TNFRSF19: variants seen among roughly 807,000 people sequenced by gnomAD.
TNFRSF19 encodes tumor necrosis factor receptor superfamily member 19.
Under a neutral mutation model 46.4 loss-of-function variants are expected in TNFRSF19, and 27 were observed. The ratio of observed to expected loss-of-function variants is 0.58; its 90% CI spans 0.43 to 0.80. TNFRSF19 has a LOEUF of 0.80. TNFRSF19 is among the 30% of genes least tolerant of loss of function. The pLI, the probability that TNFRSF19 is intolerant of heterozygous loss-of-function variation, is 0.00. For synonymous variants in TNFRSF19, 204 were observed against 205.0 expected, an observed-to-expected ratio of 1.00 and a Z score of 0.04; for missense variants, 511 against 530.8, an observed-to-expected ratio of 0.96 and a Z score of 0.37.
rs144866041 is a variant in TNFRSF19, at chr13:23,589,784, A to G, written c.-34-366A>G. On this transcript the variant is annotated intron_variant, in intron 1 of 9. Coordinates refer to ENST00000248484, the MANE Select transcript of TNFRSF19 (RefSeq NM_148957.4). ...ATTATTACCCTGTTGGCATTGTCCA[A>G]ACCCAGATAAATGGGAGGTTTATAT... is the stretch of plus-strand genomic sequence containing the variant. Among the ~76,000 whole-genome samples the G allele has an allele frequency of 7.2e-5, 11 of 152,322 alleles. No individual in the cohort carries two copies. The East Asian group carries it at 2.1e-3, about 29-fold the overall frequency.
At chr13:23,601,746 T>G (rs547829959) in intron 3 of TNFRSF19, among the ~76,000 whole-genome samples, 8 of 152,308 alleles carry the variant, frequency 5.3e-5, no homozygotes, top group African/African-American at 1.9e-4. Flanking sequence ...AGAATTATTT[T>G]GTTGTTATAA....
chr13:23,670,249 C>G (rs1351220336), intron 9 of TNFRSF19, among the ~76,000 whole-genome samples: 1 of 152,178 alleles, frequency 6.6e-6, no homozygotes, highest in Admixed American at 6.5e-5. Flanking sequence ...GGCCAGAGCT[C>G]AGTGGAGCAA....
At position 23,675,100 on chromosome 13, in the gene TNFRSF19, A is replaced by C. The variant is rs747280332; in HGVS notation, c.*1720A>C. The C allele has an allele frequency of 1.4e-4, 21 of 152,270 alleles. No homozygotes were observed. The highest frequency in any genetic ancestry group is 2.8e-4 in the Non-Finnish European group (19 of 68,024). 9.4% of individuals were successfully genotyped at this position (152,270 alleles called of 1,614,324 possible). ...TTCTTTTTTTAAGTATAAACCAATG[A>C]TCCTTTGGTAGTCAAGAACTCTTAG... On this transcript the variant is annotated 3_prime_UTR_variant, in exon 10 of 10. Transcript: ENST00000248484.
At chr13:23,624,540 T>A (rs1210804326) in intron 4 of TNFRSF19, among the ~76,000 whole-genome samples, 1 of 152,170 alleles carries the variant, frequency 6.6e-6, no homozygotes, top group Non-Finnish European at 1.5e-5. Context: ...TATACAGATT[T>A]GCTACTACAT....
chr13:23,583,505 G>A (rs1040086647), intron 1 of TNFRSF19, among the ~76,000 whole-genome samples: 33 of 152,120 alleles, frequency 2.2e-4, no homozygotes, highest in African/African-American at 8.0e-4. Flanking sequence ...CACATAATAT[G>A]TACCTTTATT....
intron 4 of TNFRSF19, among the ~76,000 whole-genome samples, chr13:23,625,326 C>CTTTTTT (rs67965421): frequency 5.6e-5 from 6 of 107,328 alleles, no homozygotes; most frequent in African/African-American, 7.2e-5. Flanking sequence ...TGATTGTATT[C>CTTTTTT]TTTTTTTTTT....
intron 3 of TNFRSF19, chr13:23,594,473 A>T (rs1397219472): frequency 4.9e-6 from 1 of 203,900 alleles, no homozygotes; most frequent in Non-Finnish European, 1.0e-5. Flanking sequence ...CTCACAGTGT[A>T]AACAAAGCCA....
intron 5 of TNFRSF19, among the ~76,000 whole-genome samples, chr13:23,657,650 A>C (rs1884066748): frequency 2.6e-5 from 4 of 152,208 alleles, no homozygotes; most frequent in African/African-American, 9.7e-5. Context: ...ATATTGGCTA[A>C]GTAAAATAGA....
Position 23,675,673 on chromosome 13 carries a change from A to G in TNFRSF19, c.*2293A>G, listed in dbSNP as rs571504407. 6.6e-6 allele frequency: 1 copy of G among 152,262 alleles called. No individual in the cohort carries two copies. Among genetic ancestry groups the G allele is most frequent in the African/African-American group, 2.4e-5 (1 of 41,542 alleles). 9.4% of individuals were successfully genotyped at this position (152,262 alleles called of 1,614,324 possible). A position where few individuals can be genotyped will look rare whatever the true frequency, so the allele number is the denominator to read the frequency against. On this transcript the variant is annotated 3_prime_UTR_variant, in exon 10 of 10. Coordinates refer to ENST00000248484, the MANE Select transcript of TNFRSF19 (RefSeq NM_148957.4). ...TGGAATATCCCATAGCACTCAATAA[A>G]CTCAGCTGCTAGAGTGCCGATGTCA...
intron 9 of TNFRSF19, among the ~76,000 whole-genome samples, chr13:23,671,413 G>A (rs963177860): frequency 6.6e-5 from 10 of 151,832 alleles, no homozygotes; most frequent in African/African-American, 1.9e-4. Context: ...ATTTAAAAAA[G>A]GAAGCGTTAA....
intron 3 of TNFRSF19, among the ~76,000 whole-genome samples, chr13:23,609,069 T>G (rs899146981): frequency 6.6e-6 from 1 of 152,164 alleles, no homozygotes; most frequent in African/African-American, 2.4e-5. Flanking sequence ...ATTCAGTTCT[T>G]TTTTAGAAAT....
rs1464244459 is a variant in TNFRSF19 at position 23,644,853 on chromosome 13, G to A, written c.446-14197G>A. On this transcript the variant is annotated intron_variant, in intron 5 of 9. Transcript: ENST00000248484. ...TGTGTATATATATATATATTTGGGC[G>A]AAGTTTCAAAAGTAACATCAGAATG... Among the ~76,000 whole-genome samples, 4 of 151,996 alleles carry A rather than the reference G, an allele frequency of 2.6e-5. No individual in the cohort carries two copies. In the South Asian group the frequency reaches 6.2e-4, roughly 24 times the overall value.
rs776261380 is a variant in TNFRSF19 at position 23,593,331 on chromosome 13, A to T, written c.70-14A>T. 30 of 1,370,164 alleles carry T rather than the reference A, an allele frequency of 2.2e-5. No homozygotes were observed. The highest frequency in any genetic ancestry group is 3.0e-5 in the African/African-American group (2 of 66,548). 84.9% of individuals were successfully genotyped at this position (1,370,164 alleles called of 1,614,324 possible). ...ATACTTTAAGATAACATTTTGTTAA[A>T]TTTTTTTTTTCAGTCATGTAAAGTG... On this transcript the variant is annotated splice_polypyrimidine_tract_variant and intron_variant, in intron 2 of 9. Transcript: ENST00000248484.
chr13:23,611,122 A>G (rs987020583), intron 3 of TNFRSF19, among the ~76,000 whole-genome samples: 1 of 113,542 alleles, frequency 8.8e-6, no homozygotes, highest in South Asian at 3.4e-4. Flanking sequence ...ACACACACAC[A>G]TGTGCACACA....
Position 23,595,444 on chromosome 13 carries a change from C to CT in TNFRSF19, c.180+1989_180+1990insT, listed in dbSNP as rs1879649478. On this transcript the variant is annotated intron_variant, in intron 3 of 9. Coordinates refer to ENST00000248484, the MANE Select transcript of TNFRSF19 (RefSeq NM_148957.4). ...CCTGATGGAGCTGAAAAACACAGCA[C>CT]AAGAACTTCATGAAGCATACACAAG... Among the ~76,000 whole-genome samples, 4 of 152,104 alleles carry CT rather than the reference C, an allele frequency of 2.6e-5. No homozygotes were observed. The South Asian group carries it at 8.3e-4, about 32-fold the overall frequency.
intron 5 of TNFRSF19, among the ~76,000 whole-genome samples, chr13:23,641,428 G>A (rs182148043): frequency 5.9e-5 from 9 of 152,264 alleles, no homozygotes; most frequent in South Asian, 2.1e-4. Context: ...TGCCTCCCAC[G>A]TTCAAGTGTT....
intron 2 of TNFRSF19, among the ~76,000 whole-genome samples, chr13:23,591,219 G>A (rs368655266): frequency 1.8e-4 from 27 of 152,264 alleles, no homozygotes; most frequent in Middle Eastern, 3.4e-3. Context: ...TTGGGAGGCC[G>A]AGGCAGGTGG....
intron 1 of TNFRSF19, among the ~76,000 whole-genome samples, chr13:23,581,736 GTC>G (rs778670830): frequency 2.6e-5 from 4 of 152,090 alleles, no homozygotes; most frequent in Non-Finnish European, 5.9e-5. Flanking sequence ...AAGAATTTGA[GTC>G]TCTTTTTTCA....
At chr13:23,629,719 G>C (rs1445754468) in intron 5 of TNFRSF19, among the ~76,000 whole-genome samples, 1 of 152,200 alleles carries the variant, frequency 6.6e-6, no homozygotes, top group Non-Finnish European at 1.5e-5. Flanking sequence ...ATTTTGGATA[G>C]AACTAAATGA....
Sources: gnomAD v4.1 joint callset for allele counts (sites outside exome capture counted in the v4.1 genomes callset) on GRCh38, gnomAD v4.1.1 for gene constraint, MANE v1.5 for transcripts, NCBI Gene and HGNC (gene_info 2026-07-23, HGNC 2026-07-21) for gene names.